CPD: variants seen among roughly 807,000 people sequenced by gnomAD.
CPD encodes the protein metallocarboxypeptidase D.
Under a neutral mutation model 138.3 loss-of-function variants are expected in CPD, and 69 were observed. The observed-to-expected ratio is 0.50, with a 90% CI of 0.41 to 0.61. The LOEUF (loss-of-function observed/expected upper bound fraction) is 0.61, where lower values mean the gene tolerates loss of function less well. Ranked by LOEUF, CPD falls within the 20% of genes least tolerant of loss-of-function variation. CPD has a pLI of 0.00. For synonymous variants in CPD, 651 were observed against 642.1 expected, an observed-to-expected ratio of 1.01 and a Z score of -0.21; for missense variants, 1,432 against 1,733.3, an observed-to-expected ratio of 0.83 and a Z score of 3.09.
rs540506813 is a variant in CPD at position 30,452,304 on chromosome 17, A to G, written c.3205+458A>G. On this transcript the variant is annotated intron_variant, in intron 14 of 20. Transcript: ENST00000225719. Reference sequence around the variant, plus strand: ...TTTCTTTTTTTTTTTTTTGAGACAGAGTCTCACTCTGTTGCCCAGGCTGGA... The same window carrying G: ...TTTCTTTTTTTTTTTTTTGAGACAGGGTCTCACTCTGTTGCCCAGGCTGGA... Among the ~76,000 whole-genome samples, 56 of 148,548 alleles carry G rather than the reference A, an allele frequency of 3.8e-4. No homozygotes were observed. The Middle Eastern group carries it at 0.014, about 37-fold the overall frequency.
intron 9 of CPD, among the ~76,000 whole-genome samples, chr17:30,439,605 G>A (rs1348771381): frequency 4.3e-5 from 5 of 116,280 alleles, no homozygotes; most frequent in Non-Finnish European, 5.2e-5. Context: ...TCCCTTTCCT[G>A]TGTCCATGTG....
At position 30,420,955 on chromosome 17, in the gene CPD, G is replaced by A. The variant is rs147588955; in HGVS notation, c.1109G>A (p.Arg370His). ...SQLRQEWENN[R>H]ESLITLIEKV... is the part of the protein sequence containing the mutation. ...CTTCGACAGGAATGGGAGAACAATC[G>A]TGAGTCTTTGATCACATTGATTGAA... Residue 370 changes from arginine (R) to histidine (H), a missense_variant, in exon 3 of 21, where the codon CGT becomes CAT. Physicochemically the swap from Arg to His is conservative, Grantham distance 29 (BLOSUM62 0). This residue lies in a region of CPD where 160 missense variants were observed against 197.9 expected (regional missense o/e 0.81). Transcript: ENST00000225719. 57 of 1,613,712 alleles carry A rather than the reference G, an allele frequency of 3.5e-5. No homozygotes were observed. Among genetic ancestry groups the A allele is most frequent in the African/African-American group, 3.3e-4 (25 of 74,908 alleles).
intron 12 of CPD, among the ~76,000 whole-genome samples, chr17:30,448,529 C>T (rs1913084687): frequency 6.6e-6 from 1 of 152,176 alleles, no homozygotes; most frequent in African/African-American, 2.4e-5. Context: ...CCAACAGGCA[C>T]TAAGTACCAT....
chr17:30,455,367 C>T lies in CPD; in HGVS notation c.3234C>T (p.Ala1078=), dbSNP rs1913266302. ...ATGCCTCCCAACCTGAGACCAAAGCCATCATTGAAAATTTGATTCAAAAAC... is the reference window on the plus strand; with the variant it reads ...ATGCCTCCCAACCTGAGACCAAAGCTATCATTGAAAATTTGATTCAAAAAC... The part of the protein sequence containing the change: ...TNNASQPETK[A]IIENLIQKQD... The change falls in exon 15 of 21, where the codon GCC becomes GCT. Residue 1078 remains alanine, a synonymous_variant. Transcript: ENST00000225719. The T allele has an allele frequency of 6.2e-7, 1 of 1,612,908 alleles. No homozygotes were observed. Among genetic ancestry groups the T allele is most frequent in the Non-Finnish European group, 8.5e-7 (1 of 1,179,616 alleles).
At chr17:30,383,978 GTATTTC>G (rs1911118609) in intron 1 of CPD, among the ~76,000 whole-genome samples, 1 of 152,056 alleles carries the variant, frequency 6.6e-6, no homozygotes, top group East Asian at 1.9e-4. Context: ...GAATTCTTCA[GTATTTC>G]TATATAGATA....
At position 30,468,108 on chromosome 17, in the gene CPD, A is replaced by G. The variant is rs954989038; in HGVS notation, c.*3294A>G. 3 of 152,380 alleles carry G rather than the reference A, an allele frequency of 2.0e-5. No individual in the cohort carries two copies. The highest frequency in any genetic ancestry group is 7.2e-5 in the African/African-American group (3 of 41,418). The allele number at this position is 152,380 out of a possible 1,614,324, so 9.4% of individuals were successfully genotyped here. On this transcript the variant is annotated 3_prime_UTR_variant, in exon 21 of 21. Coordinates refer to ENST00000225719, the MANE Select transcript of CPD (RefSeq NM_001304.5). Reference sequence around the variant, plus strand: ...ACTTGGATTTCTAGTTCATGAAGAAATCTCTCCCAATACCCATTTATCCTA... The same window carrying G: ...ACTTGGATTTCTAGTTCATGAAGAAGTCTCTCCCAATACCCATTTATCCTA...
In CPD at chr17:30,464,655, T is replaced by C. The variant is rs780440600; in HGVS notation, c.3984T>C (p.Asn1328=). 1.2e-6 allele frequency: 2 copies of C among 1,613,962 alleles called. No homozygotes were observed. The highest frequency in any genetic ancestry group is 1.7e-6 in the Non-Finnish European group (2 of 1,179,918). Residue 1328 remains asparagine, a synonymous_variant, in exon 21 of 21, where the codon AAT becomes AAC. Coordinates refer to ENST00000225719, the MANE Select transcript of CPD (RefSeq NM_001304.5). ...GGTGCATCTGCTCAATCAAGTCTAA[T>C]AGACACAAGGATGGCTTTCATCGGC... ...IIWCICSIKS[N]RHKDGFHRLR...
chr17:30,402,005 A>G (rs1376014667), intron 2 of CPD, among the ~76,000 whole-genome samples: 2 of 150,746 alleles, frequency 1.3e-5, no homozygotes, highest in Non-Finnish European at 3.0e-5. Flanking sequence ...AGTGATAACA[A>G]TAGTAGGCCT....
chr17:30,390,343 T>C (rs1390058753), intron 2 of CPD, among the ~76,000 whole-genome samples: 3 of 152,218 alleles, frequency 2.0e-5, no homozygotes, highest in African/African-American at 7.2e-5. Flanking sequence ...TTCTATGTGA[T>C]ATATTTAGGA....
chr17:30,463,254 G>A (rs1913541812), intron 20 of CPD, among the ~76,000 whole-genome samples: 1 of 152,014 alleles, frequency 6.6e-6, no homozygotes, highest in Admixed American at 6.6e-5. Flanking sequence ...TCTCTATCCT[G>A]CTTTTTTTCA....
chr17:30,381,589 T>G (rs1278060559), intron 1 of CPD, among the ~76,000 whole-genome samples: 1 of 152,216 alleles, frequency 6.6e-6, no homozygotes, highest in African/African-American at 2.4e-5. Flanking sequence ...AAGAATTCAC[T>G]CAAAATGCGT....
chr17:30,412,292 C>A (rs1911987617), intron 2 of CPD, among the ~76,000 whole-genome samples: 1 of 152,184 alleles, frequency 6.6e-6, no homozygotes, highest in Non-Finnish European at 1.5e-5. Flanking sequence ...TGTCTGTCGG[C>A]CCCTACTGGG....
At chr17:30,420,128 G>A (rs1912227189) in intron 2 of CPD, among the ~76,000 whole-genome samples, 1 of 152,092 alleles carries the variant, frequency 6.6e-6, no homozygotes, top group Non-Finnish European at 1.5e-5. Context: ...TGAGTGTGTG[G>A]GCTTATATAG....
At chr17:30,445,189 G>T (rs1275315397) in intron 11 of CPD, among the ~76,000 whole-genome samples, 2 of 152,106 alleles carry the variant, frequency 1.3e-5, no homozygotes, top group African/African-American at 4.8e-5. Flanking sequence ...CCTAGGCCAG[G>T]TGCGGTGGCT....
chr17:30,451,874 T>C, intron 14 of CPD, 28 bp downstream of exon 14: 7 of 1,598,144 alleles, frequency 4.4e-6, no homozygotes, highest in Non-Finnish European at 5.1e-6. Flanking sequence ...GCTACTAAAG[T>C]ACTTAGGAGA....
At chr17:30,449,422 A>G in intron 12 of CPD, 131 bp from the exon 13 acceptor site, 1 of 669,478 alleles carries the variant, frequency 1.5e-6, no homozygotes, top group South Asian at 2.4e-5. Flanking sequence ...TTTCTGATGC[A>G]GTGATTCACT....
At position 30,422,870 on chromosome 17, in the gene CPD, C is replaced by T. The variant is rs1912304502; in HGVS notation, c.1504C>T (p.His502Tyr). 1 of 1,613,976 alleles carries T rather than the reference C, an allele frequency of 6.2e-7. No individual in the cohort carries two copies. The highest frequency in any genetic ancestry group is 8.5e-7 in the Non-Finnish European group (1 of 1,179,958). Reference sequence around the variant, plus strand: ...CCAGCCAATTCAGCCAAAGGACTTTCACCACCACCATTTCCCTGATATGGA... The same window carrying T: ...CCAGCCAATTCAGCCAAAGGACTTTTACCACCACCATTTCCCTGATATGGA... ...SYQPIQPKDF[H>Y]HHHFPDMEIF... The change falls in exon 5 of 21, where the codon CAC becomes TAC. Residue 502 changes from histidine to tyrosine, a missense_variant. Physicochemically the swap from His to Tyr is moderately conservative, Grantham distance 83 (BLOSUM62 2). This residue lies in a region of CPD where 160 missense variants were observed against 197.9 expected (regional missense o/e 0.81). Coordinates refer to ENST00000225719, the MANE Select transcript of CPD (RefSeq NM_001304.5).
At position 30,427,332 on chromosome 17, in the gene CPD, G is replaced by C. The variant is rs866596080; in HGVS notation, c.1850-59G>C. ...AGTTAAGGTATCTAAAGTAGTACGT[G>C]TTGGAATAAAATATAAGTGAACATG... On this transcript the variant is annotated intron_variant, in intron 6 of 20. Coordinates refer to ENST00000225719, the MANE Select transcript of CPD (RefSeq NM_001304.5). The C allele has an allele frequency of 6.2e-5, 93 of 1,511,984 alleles. No homozygotes were observed. The South Asian group carries it at 8.7e-4, about 14-fold the overall frequency. 93.7% of individuals were successfully genotyped at this position (1,511,984 alleles called of 1,614,324 possible).
intron 2 of CPD, among the ~76,000 whole-genome samples, chr17:30,395,953 G>T (rs1911495429): frequency 6.6e-6 from 1 of 152,156 alleles, no homozygotes; most frequent in Admixed American, 6.5e-5. Context: ...TTTGATCAAT[G>T]TGAACTTGAA....
Sources: gnomAD v4.1 joint callset for allele counts (sites outside exome capture counted in the v4.1 genomes callset) on GRCh38, gnomAD v4.1.1 for gene constraint, gnomAD v4.1.1 regional missense constraint, MANE v1.5 for transcripts, NCBI Gene and HGNC (gene_info 2026-07-23, HGNC 2026-07-21) for gene names.